The following MYO16 variants were observed in gnomAD, a reference collection of about 807,000 sequenced individuals.
MYO16 encodes the protein myosin XVI, also known as unconventional myosin-XVI.
MYO16 carries 94 observed loss-of-function variants against 205.3 expected under a neutral mutation model. That is an observed-to-expected ratio of 0.46 (90% confidence interval 0.39 to 0.54). The LOEUF is 0.54. MYO16 is among the 20% of genes least tolerant of loss of function. MYO16 has a pLI of 0.00. For missense variants in MYO16, 2,315 were observed against 2,387.5 expected (o/e 0.97, Z 0.63); for synonymous variants, 988 against 954.0 (o/e 1.04, Z -0.66).
intron 23 of MYO16, among the ~76,000 whole-genome samples, chr13:109,022,986 A>G (rs1451185675): frequency 7.4e-6 from 1 of 135,082 alleles, no homozygotes; most frequent in Non-Finnish European, 1.5e-5. Flanking sequence ...ATATAGGTAT[A>G]TATTTATATA....
At chr13:108,934,606 T>C (rs1882400306) in intron 16 of MYO16, among the ~76,000 whole-genome samples, 1 of 152,072 alleles carries the variant, frequency 6.6e-6, no homozygotes, top group Admixed American at 6.6e-5. Context: ...TTAATAGGTC[T>C]CTCTCACTTG....
the MYO16 span, among the ~76,000 whole-genome samples, chr13:108,532,513 G>C: frequency 1.3e-5 from 2 of 151,278 alleles, no homozygotes; most frequent in Middle Eastern, 6.9e-3. Context: ...AACAAAAGAG[G>C]CTGGGTGTCA....
At chr13:108,906,722 G>A (rs559838943) in intron 15 of MYO16, among the ~76,000 whole-genome samples, 38 of 152,286 alleles carry the variant, frequency 2.5e-4, no homozygotes, top group African/African-American at 8.4e-4. Flanking sequence ...TATGGTACAC[G>A]GTAGGTGCTT....
chr13:109,013,448 T>C (rs1016149590), intron 22 of MYO16, among the ~76,000 whole-genome samples: 3 of 152,178 alleles, frequency 2.0e-5, no homozygotes, highest in African/African-American at 7.2e-5. Context: ...GTCTTTATAC[T>C]AGCATGGTTT....
At chr13:109,045,366 T>C (rs1887006601) in intron 23 of MYO16, among the ~76,000 whole-genome samples, 1 of 152,230 alleles carries the variant, frequency 6.6e-6, no homozygotes, top group Non-Finnish European at 1.5e-5. Context: ...CTGGAGGCTA[T>C]GATTGAGAAC....
chr13:108,723,775 C>G (rs1884245439), intron 3 of MYO16, among the ~76,000 whole-genome samples: 1 of 152,084 alleles, frequency 6.6e-6, no homozygotes, highest in Non-Finnish European at 1.5e-5. Flanking sequence ...TTGGGTTCCA[C>G]CACCCTAAAG....
chr13:108,963,852 A>G (rs1883683889), intron 19 of MYO16, among the ~76,000 whole-genome samples: 1 of 152,166 alleles, frequency 6.6e-6, no homozygotes, highest in Non-Finnish European at 1.5e-5. Context: ...CCTCAGTCAC[A>G]TGGCTCTAGG....
At position 108,866,166 on chromosome 13, in the gene MYO16, T is replaced by G. The variant is rs762771951; in HGVS notation, c.1360-11T>G. On this transcript the variant is annotated splice_polypyrimidine_tract_variant and intron_variant, in intron 11 of 34. Coordinates refer to ENST00000457511, the MANE Select transcript of MYO16 (RefSeq NM_001198950.3). ...ATGACTCATGAACTGTTTGCATCCCTTTTTTCACAGACATTCATTGGAGAC... is the reference window on the plus strand; with the variant it reads ...ATGACTCATGAACTGTTTGCATCCCGTTTTTCACAGACATTCATTGGAGAC... The G allele has an allele frequency of 1.9e-6, 3 of 1,586,032 alleles. No homozygotes were observed. The highest frequency in any genetic ancestry group is 3.4e-5 in the Admixed American group (2 of 58,150).
intron 2 of MYO16, among the ~76,000 whole-genome samples, chr13:108,704,605 A>T (rs1005910069): frequency 6.6e-6 from 1 of 152,156 alleles, no homozygotes; most frequent in African/African-American, 2.4e-5. Flanking sequence ...CTGCTCTGAC[A>T]CATGGGTAGC....
chr13:109,073,429 TCCACA>T (rs5806779), intron 27 of MYO16, among the ~76,000 whole-genome samples: 115,104 of 151,410 alleles, frequency 0.76, 43,849 homozygotes, highest in East Asian at 0.89. Context: ...ATCTTTATAT[TCCACA>T]GGTGATCTGC....
At chr13:109,196,268 T>C (rs1332397487) in intron 34 of MYO16, among the ~76,000 whole-genome samples, 2 of 152,190 alleles carry the variant, frequency 1.3e-5, no homozygotes, top group African/African-American at 4.8e-5. Flanking sequence ...AATAACAGAA[T>C]AAAATCATTT....
chr13:109,036,450 A>G (rs1392611073), intron 23 of MYO16, among the ~76,000 whole-genome samples: 2 of 152,170 alleles, frequency 1.3e-5, no homozygotes, highest in African/African-American at 2.4e-5. Context: ...GACATAATTT[A>G]TCTTTTAATT....
At position 109,140,999 on chromosome 13, in the gene MYO16, C is replaced by T; in HGVS notation, c.4787C>T (p.Pro1596Leu). 1 of 1,314,918 alleles carries T rather than the reference C, an allele frequency of 7.6e-7. No individual in the cohort carries two copies. The highest frequency in any genetic ancestry group is 9.7e-7 in the Non-Finnish European group (1 of 1,033,442). The allele number at this position is 1,314,918 out of a possible 1,614,324, so 81.5% of individuals were successfully genotyped here. A position where few individuals can be genotyped will look rare whatever the true frequency, so the allele number is the denominator to read the frequency against. The stretch of plus-strand genomic sequence containing the variant: ...CGAGCCTCCCCGCCGTCCACGCCGC[C>T]CCCGCCCCCGCCCCCGCCCGGGCCG... ...SGRASPPSTPPPPPPPPGPPP... is the reference protein window; with the variant it reads ...SGRASPPSTPLPPPPPPGPPP... The change falls in exon 32 of 35, where the codon CCC becomes CTC. Residue 1596 changes from proline to leucine, a missense_variant. Pro to Leu is a moderately conservative substitution (Grantham distance 98, BLOSUM62 -3). Around this residue, in one of 3 missense-constraint regions of MYO16, gnomAD observed 1,097 missense variants for 1,092.0 expected, o/e 1.00. Coordinates refer to ENST00000457511, the MANE Select transcript of MYO16 (RefSeq NM_001198950.3). This position sits in a 1 kb window ranked among gnomAD's most constrained non-coding sequence, Gnocchi z 8.0.
chr13:109,048,195 G>A (rs867397504), intron 24 of MYO16: 189 of 351,680 alleles, frequency 5.4e-4, no homozygotes, highest in African/African-American at 4.4e-3. Context: ...GTGTGTGTGT[G>A]TGTGTGTATT....
At chr13:108,843,304 C>G (rs1313005963) in intron 9 of MYO16, among the ~76,000 whole-genome samples, 6 of 151,900 alleles carry the variant, frequency 3.9e-5, no homozygotes, top group Non-Finnish European at 5.9e-5. Flanking sequence ...AAATAAAAAT[C>G]ACAGTGTGAG....
At chr13:108,882,336 G>C (rs559241361) in intron 12 of MYO16, among the ~76,000 whole-genome samples, 1 of 152,262 alleles carries the variant, frequency 6.6e-6, no homozygotes, top group African/African-American at 2.4e-5. Flanking sequence ...GTTGCATTTT[G>C]AACCACCATG....
At chr13:108,778,922 G>A (rs1341567921) in intron 4 of MYO16, among the ~76,000 whole-genome samples, 2 of 152,088 alleles carry the variant, frequency 1.3e-5, no homozygotes, top group African/African-American at 4.8e-5. Flanking sequence ...TCTGTTGTTT[G>A]TTTGTTTGTT....
chr13:108,565,890 G>A, the MYO16 span, among the ~76,000 whole-genome samples: 1 of 151,768 alleles, frequency 6.6e-6, no homozygotes, highest in East Asian at 2.0e-4. Context: ...TTATCATGAA[G>A]GGACGTGGAA....
intron 2 of MYO16, among the ~76,000 whole-genome samples, chr13:108,693,475 G>T (rs1882976890): frequency 6.6e-6 from 1 of 152,096 alleles, no homozygotes. Flanking sequence ...TTATGTAAGA[G>T]AAATTACACC....
Sources: allele counts gnomAD v4.1 joint callset (sites outside exome capture counted in the v4.1 genomes callset), GRCh38; gene constraint gnomAD v4.1.1; regional missense constraint gnomAD v4.1.1; non-coding constraint Gnocchi (gnomAD v3.1); transcripts MANE v1.5; gene names NCBI Gene and HGNC (gene_info 2026-07-23, HGNC 2026-07-21).